Variants in SPIDR observed in about 807,000 individuals in gnomAD.
The protein encoded by SPIDR is DNA repair-scaffolding protein.
Under a neutral mutation model 104.6 loss-of-function variants are expected in SPIDR, and 93 were observed. The ratio of observed to expected loss-of-function variants is 0.89; its 90% confidence interval spans 0.75 to 1.06. SPIDR has a LOEUF of 1.06. SPIDR is among the 50% of genes least tolerant of loss of function. The pLI, the probability that SPIDR is intolerant of heterozygous loss-of-function variation, is 0.00. For synonymous variants in SPIDR, 431 were observed against 416.9 expected (o/e 1.03, Z -0.41); for missense variants, 1,154 against 1,111.2 (o/e 1.04, Z -0.55).
At chr8:47,600,168 G>T (rs114583667) in intron 10 of SPIDR, among the ~76,000 whole-genome samples, 3 of 152,200 alleles carry the variant, frequency 2.0e-5, no homozygotes, top group Admixed American at 2.0e-4. Context: ...CATCAGTTTG[G>T]TTTTGTTTAA....
intron 8 of SPIDR, among the ~76,000 whole-genome samples, chr8:47,498,308 C>T (rs891549415): frequency 6.6e-5 from 10 of 152,146 alleles, no homozygotes; most frequent in Admixed American, 2.6e-4. Context: ...TATTGGCAAA[C>T]GTTCCATCTT....
chr8:47,263,520 C>T (rs879883841), intron 1 of SPIDR, among the ~76,000 whole-genome samples: 15 of 152,124 alleles, frequency 9.9e-5, no homozygotes, highest in East Asian at 3.9e-4. Flanking sequence ...AGGGTTTCAC[C>T]GTGTTAGCCA....
intron 8 of SPIDR, among the ~76,000 whole-genome samples, chr8:47,589,393 G>A (rs780798746): frequency 1.3e-4 from 20 of 151,700 alleles, no homozygotes; most frequent in Non-Finnish European, 2.2e-4. Flanking sequence ...ATGGTGGCGC[G>A]CGCCTGTAGT....
At chr8:47,280,979 G>T (rs1015901803) in intron 2 of SPIDR, among the ~76,000 whole-genome samples, 1 of 152,156 alleles carries the variant, frequency 6.6e-6, no homozygotes, top group Non-Finnish European at 1.5e-5. Flanking sequence ...CTCTGGAGGC[G>T]TACTCTGGAG....
At chr8:47,396,731 A>C (rs2061292399) in intron 6 of SPIDR, 105 bp downstream of exon 6, 16 of 1,184,858 alleles carry the variant, frequency 1.4e-5, no homozygotes, top group East Asian at 2.5e-5. Flanking sequence ...GAAGTCCTAA[A>C]TTCTGGAGCT....
intron 8 of SPIDR, among the ~76,000 whole-genome samples, chr8:47,521,516 C>A (rs1379669742): frequency 6.6e-6 from 1 of 151,320 alleles, no homozygotes; most frequent in Admixed American, 6.6e-5. Flanking sequence ...CTCCTGGGTC[C>A]CCATTCAAGC....
chr8:47,396,573 C>T lies in SPIDR; in HGVS notation c.723C>T (p.Pro241=). The change falls in exon 6 of 20, where the codon CCC becomes CCT. Residue 241 remains proline (P), a synonymous_variant. Transcript: ENST00000297423. ...TETILHTPQK[P]TAKFPRTPEN... ...CCATTTTGCATACACCTCAGAAACCCACAGCTAAGTTTCCCAGGACTCCAG... is the reference window on the plus strand; with the variant it reads ...CCATTTTGCATACACCTCAGAAACCTACAGCTAAGTTTCCCAGGACTCCAG... The T allele has an allele frequency of 6.2e-7, 1 of 1,614,098 alleles. No homozygotes were observed. The highest frequency in any genetic ancestry group is 8.5e-7 in the Non-Finnish European group (1 of 1,179,990).
intron 6 of SPIDR, among the ~76,000 whole-genome samples, chr8:47,404,191 A>C (rs1235847485): frequency 6.6e-6 from 1 of 152,248 alleles, no homozygotes; most frequent in African/African-American, 2.4e-5. Flanking sequence ...ACCTTATACA[A>C]AAATTAATTC....
chr8:47,593,551 G>C (rs2061310690), intron 8 of SPIDR, among the ~76,000 whole-genome samples: 1 of 152,092 alleles, frequency 6.6e-6, no homozygotes, highest in South Asian at 2.1e-4. Context: ...ATGGTTCTTA[G>C]TATAACAAGT....
intron 5 of SPIDR, among the ~76,000 whole-genome samples, chr8:47,366,210 G>A (rs148983531): frequency 3.3e-5 from 5 of 152,254 alleles, no homozygotes; most frequent in Middle Eastern, 3.4e-3. Flanking sequence ...GAGGCTGAAG[G>A]TGGGGTCAGA....
At chr8:47,597,173 T>C (rs1371640328) in intron 9 of SPIDR, among the ~76,000 whole-genome samples, 2 of 152,226 alleles carry the variant, frequency 1.3e-5, no homozygotes, top group African/African-American at 4.8e-5. Context: ...TATTAGATAC[T>C]GTACATAACA....
intron 10 of SPIDR, chr8:47,660,600 G>C (rs1214718356): frequency 4.8e-6 from 4 of 838,672 alleles, no homozygotes; most frequent in Non-Finnish European, 5.7e-6. Context: ...AGTGTGGGTG[G>C]CTAGGGGCAG....
At position 47,325,227 on chromosome 8, in the gene SPIDR, G is replaced by A. The variant is rs766400342; in HGVS notation, c.525+31197G>A. Among the ~76,000 whole-genome samples, 201 of 152,096 alleles carry A rather than the reference G, an allele frequency of 1.3e-3. 1 individual carries two copies. Among genetic ancestry groups the A allele is most frequent in the Non-Finnish European group, 1.9e-3 (132 of 67,988 alleles). On this transcript the variant is annotated intron_variant, in intron 5 of 19. Coordinates refer to ENST00000297423, the MANE Select transcript of SPIDR (RefSeq NM_001080394.4). ...AGTTTGCTTTTAGAGTGTTAAATTG[G>A]GAATGTACACTAGATAGTTGATGTT...
At chr8:47,439,223 C>T (rs1554694564) in intron 7 of SPIDR, among the ~76,000 whole-genome samples, 1 of 152,148 alleles carries the variant, frequency 6.6e-6, no homozygotes, top group East Asian at 1.9e-4. Context: ...CTGGGTTCCC[C>T]TCCTGAGTCA....
intron 7 of SPIDR, among the ~76,000 whole-genome samples, chr8:47,422,869 G>A (rs1554682088): frequency 6.6e-6 from 1 of 152,002 alleles, no homozygotes; most frequent in African/African-American, 2.4e-5. Flanking sequence ...GACTTTGCTG[G>A]GCTGTTTTAT....
chr8:47,282,849 C>T (rs1554559760), intron 2 of SPIDR, among the ~76,000 whole-genome samples: 80 of 151,692 alleles, frequency 5.3e-4, no homozygotes, highest in Non-Finnish European at 1.0e-3. Flanking sequence ...TTTCCAGCTT[C>T]TTTTTTCTTT....
chr8:47,729,528 C>T, intron 19 of SPIDR, 63 bp downstream of exon 19: 1 of 1,535,564 alleles, frequency 6.5e-7, no homozygotes, highest in Non-Finnish European at 8.8e-7. Context: ...GCAACTCATC[C>T]CCAGAGGAAG....
intron 10 of SPIDR, chr8:47,673,323 G>C (rs556013813): frequency 9.7e-5 from 43 of 441,896 alleles, no homozygotes; most frequent in Admixed American, 5.1e-4. Flanking sequence ...TACTGTCGCA[G>C]AGAATGCCTC....
At chr8:47,685,505 A>ATTT (rs201735323) in intron 11 of SPIDR, among the ~76,000 whole-genome samples, 32 of 104,402 alleles carry the variant, frequency 3.1e-4, no homozygotes, top group Middle Eastern at 4.1e-3. Flanking sequence ...TTATTTATTT[A>ATTT]TTTATTTATT....
Sources: gnomAD v4.1 joint callset for allele counts (sites outside exome capture counted in the v4.1 genomes callset) on GRCh38, gnomAD v4.1.1 for gene constraint, MANE v1.5 for transcripts, NCBI Gene and HGNC (gene_info 2026-07-23, HGNC 2026-07-21) for gene names.